Variants in ITGA2 observed in about 807,000 individuals in gnomAD.
The protein encoded by ITGA2 is integrin subunit alpha 2.
In ITGA2, 101 loss-of-function variants were observed where a neutral mutation model predicts 146.3. The ratio of observed to expected loss-of-function variants is 0.69; its 90% CI spans 0.59 to 0.81. The LOEUF (loss-of-function observed/expected upper bound fraction) is 0.81. Among genes scored for constraint, ITGA2 ranks in the 40% least tolerant of loss-of-function variants. The probability of loss-of-function intolerance (pLI) is 0.00; values close to 1 mark genes in which losing one functional copy is unlikely to be tolerated. For missense variants in ITGA2, 1,281 were observed against 1,402.7 expected (o/e 0.91, Z 1.39); for synonymous variants, 477 against 487.1 (o/e 0.98, Z 0.27).
At position 53,070,041 on chromosome 5, in the gene ITGA2, A is replaced by C. The variant is rs1417624269; in HGVS notation, c.2084-68A>C. ...GATACTTTGTCCAAGAAGACACAAT[A>C]AAGCAAAGATGCTTTTTCCTATAAG... On this transcript the variant is annotated intron_variant, in intron 16 of 29. Transcript: ENST00000296585. 4 of 1,321,288 alleles carry C rather than the reference A, an allele frequency of 3.0e-6. No homozygotes were observed. The African/African-American group carries it at 5.8e-5, about 19-fold the overall frequency. The allele number at this position is 1,321,288 out of a possible 1,614,324, so 81.8% of individuals were successfully genotyped here.
intron 3 of ITGA2, among the ~76,000 whole-genome samples, chr5:53,043,930 C>T (rs1374087987): frequency 2.0e-5 from 3 of 151,906 alleles, no homozygotes; most frequent in African/African-American, 7.3e-5. Flanking sequence ...CTGCAGTAGT[C>T]GTTATTCACT....
chr5:53,031,521 T>C lies in ITGA2; in HGVS notation c.185+4653T>C, dbSNP rs73754097. Among the ~76,000 whole-genome samples, 1,324 of 152,346 alleles carry C rather than the reference T, an allele frequency of 8.7e-3. 16 individuals are homozygous for C. Among genetic ancestry groups the C allele is most frequent in the African/African-American group, 0.029 (1,204 of 41,586 alleles). ...TTAAAGTACAATTTTAGCTCTGTCA[T>C]GTGTGCCATGTTTTCTAAGAATTTA... On this transcript the variant is annotated intron_variant, in intron 2 of 29. Coordinates refer to ENST00000296585, the MANE Select transcript of ITGA2 (RefSeq NM_002203.4).
rs145091008 is a variant in ITGA2, at chr5:53,074,663, T to C, written c.2664+186T>C. 9.7e-4 allele frequency among the ~76,000 whole-genome samples: 148 copies of C among 152,152 alleles called. 1 individual carries two copies. Among genetic ancestry groups the C allele is most frequent in the African/African-American group, 3.4e-3 (142 of 41,556 alleles). ...ATTAATAAAAATGGGATTTTCTCCATGCAATTCATTCCAAAAGGTACACAT... is the reference window on the plus strand; with the variant it reads ...ATTAATAAAAATGGGATTTTCTCCACGCAATTCATTCCAAAAGGTACACAT... On this transcript the variant is annotated intron_variant, in intron 21 of 29. Transcript: ENST00000296585.
chr5:53,013,826 G>C (rs1002977339), intron 1 of ITGA2, among the ~76,000 whole-genome samples: 2 of 151,974 alleles, frequency 1.3e-5, no homozygotes. Context: ...CACTTCCCTG[G>C]TTATCTGTAC....
intron 1 of ITGA2, among the ~76,000 whole-genome samples, chr5:53,013,833 G>A (rs1020406433): frequency 7.2e-5 from 11 of 151,980 alleles, no homozygotes; most frequent in African/African-American, 2.4e-4. Context: ...CTGGTTATCT[G>A]TACTCCTAGG....
At chr5:53,005,231 T>C (rs1204678985) in intron 1 of ITGA2, among the ~76,000 whole-genome samples, 2 of 152,066 alleles carry the variant, frequency 1.3e-5, no homozygotes, top group African/African-American at 2.4e-5. Context: ...GCTTCTCGTG[T>C]GTGTCAGCAA....
rs138450939 is a variant in ITGA2, at chr5:53,029,230, C to T, written c.185+2362C>T. ...GAGGTTGCAGTGAGCCAAGATCAAGCCACTGCACTCTAGCTTGGGTGACAG... is the reference window on the plus strand; with the variant it reads ...GAGGTTGCAGTGAGCCAAGATCAAGTCACTGCACTCTAGCTTGGGTGACAG... On this transcript the variant is annotated intron_variant, in intron 2 of 29. Coordinates refer to ENST00000296585, the MANE Select transcript of ITGA2 (RefSeq NM_002203.4). 1.5e-3 allele frequency among the ~76,000 whole-genome samples: 233 copies of T among 152,260 alleles called. 3 individuals are homozygous for T. In the East Asian group the frequency reaches 0.028, roughly 19 times the overall value.
chr5:53,035,163 G>A (rs538787756), intron 2 of ITGA2, among the ~76,000 whole-genome samples: 26 of 152,310 alleles, frequency 1.7e-4, no homozygotes, highest in Admixed American at 1.1e-3. Context: ...ACTAGCTCAT[G>A]AGCTTTGATT....
rs1002834037 is a variant in ITGA2 at position 53,083,278 on chromosome 5, G to GC, written c.3145-61dup. On this transcript the variant is annotated intron_variant, in intron 26 of 29. Transcript: ENST00000296585. ...AGTTTTATCTAGCTTTAAAATTTTA[G>GC]CATTTATTTTTTAACTCTTACTAAC... 3.4e-5 allele frequency: 35 copies of GC among 1,040,386 alleles called. No individual in the cohort carries two copies. The African/African-American group carries it at 4.0e-4, about 12-fold the overall frequency. The allele number at this position is 1,040,386 out of a possible 1,614,324, so 64.4% of individuals were successfully genotyped here.
chr5:53,076,422 T>G (rs1433235511), intron 23 of ITGA2, among the ~76,000 whole-genome samples: 1 of 152,026 alleles, frequency 6.6e-6, no homozygotes, highest in Non-Finnish European at 1.5e-5. Flanking sequence ...ATGAAAAGAA[T>G]GCTTCTGTAT....
intron 12 of ITGA2, 146 bp downstream of exon 12, chr5:53,061,192 T>A: frequency 2.5e-6 from 2 of 804,164 alleles, no homozygotes; most frequent in Non-Finnish European, 4.2e-6. Context: ...GTGTATTCCT[T>A]AAATCATCAC....
chr5:53,031,739 AAGTAG>A (rs1363953739), intron 2 of ITGA2, among the ~76,000 whole-genome samples: 3 of 152,154 alleles, frequency 2.0e-5, no homozygotes, highest in African/African-American at 7.2e-5. Context: ...CTGACCTCCC[AAGTAG>A]AGTACCTGGG....
chr5:53,013,894 G>A (rs1276866343), intron 1 of ITGA2, among the ~76,000 whole-genome samples: 2 of 151,766 alleles, frequency 1.3e-5, no homozygotes, highest in African/African-American at 4.8e-5. Flanking sequence ...TCTTGTTTTG[G>A]CCCTCAGCTT....
rs1477045615 is a variant in ITGA2 at position 53,091,627 on chromosome 5, CTTTACCCCTCA to C, written c.*1030_*1040del. On this transcript the variant is annotated 3_prime_UTR_variant, in exon 30 of 30. Coordinates refer to ENST00000296585, the MANE Select transcript of ITGA2 (RefSeq NM_002203.4). ...TCCAGCGGTCCAAAGTTATCCCCTC[CTTTACCCCTCA>C]TCCAAAGTTCCCACTCCTTCAGGAC... 3 of 152,252 alleles carry C rather than the reference CTTTACCCCTCA, an allele frequency of 2.0e-5. No homozygotes were observed. The highest frequency in any genetic ancestry group is 4.4e-5 in the Non-Finnish European group (3 of 68,094). 9.4% of individuals were successfully genotyped at this position (152,252 alleles called of 1,614,324 possible).
chr5:53,056,315 G>A (rs1205738797), intron 9 of ITGA2, among the ~76,000 whole-genome samples, 166 bp downstream of exon 9: 2 of 151,924 alleles, frequency 1.3e-5, no homozygotes. Flanking sequence ...GTTTATAAAT[G>A]ATAAAATACA....
At chr5:53,001,861 A>T (rs1242300686) in intron 1 of ITGA2, among the ~76,000 whole-genome samples, 1 of 149,464 alleles carries the variant, frequency 6.7e-6, no homozygotes, top group African/African-American at 2.5e-5. Context: ...TGCCTGAGTC[A>T]TTTCTCTGAA....
intron 2 of ITGA2, among the ~76,000 whole-genome samples, chr5:53,030,302 G>A (rs767840497): frequency 6.6e-6 from 1 of 152,178 alleles, no homozygotes; most frequent in Non-Finnish European, 1.5e-5. Flanking sequence ...TCTAAATCCT[G>A]CCTGGACCTT....
chr5:53,086,480 C>T (rs1413020518), intron 27 of ITGA2, among the ~76,000 whole-genome samples: 3 of 152,130 alleles, frequency 2.0e-5, no homozygotes, highest in African/African-American at 7.2e-5. Context: ...AGTTCTCTTA[C>T]CTTTTAAATG....
chr5:53,089,893 T>TC (rs1390591179), intron 28 of ITGA2, 53 bp from the exon 29 acceptor site: 4 of 1,034,360 alleles, frequency 3.9e-6, no homozygotes, highest in South Asian at 2.5e-5. Flanking sequence ...CTAGACCATC[T>TC]CCCCCCTTTT....
Sources: allele counts gnomAD v4.1 joint callset (sites outside exome capture counted in the v4.1 genomes callset), GRCh38; gene constraint gnomAD v4.1.1; transcripts MANE v1.5; gene names NCBI Gene and HGNC (gene_info 2026-07-23, HGNC 2026-07-21).